Variants in RIMS2 observed in about 807,000 individuals in gnomAD.
RIMS2 encodes regulating synaptic membrane exocytosis protein 2.
Under a neutral mutation model 174.4 loss-of-function variants are expected in RIMS2, and 59 were observed. That is an observed-to-expected ratio of 0.34 (90% CI 0.27 to 0.42). The LOEUF is 0.42. RIMS2 is among the 10% of genes least tolerant of loss of function. The pLI, the probability that RIMS2 is intolerant of heterozygous loss-of-function variation, is 1.00. For missense variants in RIMS2, 1,620 were observed against 1,666.3 expected (o/e 0.97, Z 0.48); for synonymous variants, 606 against 572.5 (o/e 1.06, Z -0.84).
chr8:104,211,165 G>T (rs2099103604), intron 19 of RIMS2, among the ~76,000 whole-genome samples: 1 of 152,082 alleles, frequency 6.6e-6, no homozygotes, highest in African/African-American at 2.4e-5. Context: ...TAAAACAGAG[G>T]TTTTTTCTAA....
chr8:104,238,807 T>C (rs2099272455), intron 19 of RIMS2, among the ~76,000 whole-genome samples: 1 of 152,214 alleles, frequency 6.6e-6, no homozygotes. Flanking sequence ...ATGCTTTAAA[T>C]GTAACACAAA....
chr8:104,007,650 TA>T (rs754705516), intron 17 of RIMS2, among the ~76,000 whole-genome samples: 2 of 152,192 alleles, frequency 1.3e-5, no homozygotes, highest in Non-Finnish European at 2.9e-5. Context: ...TCAACATCTA[TA>T]CCATCTCTTA....
intron 1 of RIMS2, among the ~76,000 whole-genome samples, chr8:103,672,032 A>G (rs1027763038): frequency 1.3e-5 from 2 of 152,156 alleles, no homozygotes; most frequent in Non-Finnish European, 2.9e-5. Flanking sequence ...AAATATGTCA[A>G]AGGTTTAAAA....
At chr8:103,814,976 A>G (rs1216379343) in intron 3 of RIMS2, among the ~76,000 whole-genome samples, 1 of 152,220 alleles carries the variant, frequency 6.6e-6, no homozygotes, top group Non-Finnish European at 1.5e-5. Flanking sequence ...TCATGGGCCA[A>G]CATTATACTT....
At chr8:103,961,219 A>G in intron 15 of RIMS2, 86 bp downstream of exon 17, 1 of 755,940 alleles carries the variant, frequency 1.3e-6, no homozygotes, top group East Asian at 2.6e-5. Flanking sequence ...ATAAAAGAGA[A>G]AGATATAACT....
At chr8:103,708,486 T>C (rs973640990) in intron 2 of RIMS2, among the ~76,000 whole-genome samples, 3 of 152,208 alleles carry the variant, frequency 2.0e-5, no homozygotes, top group African/African-American at 7.2e-5. Flanking sequence ...TGATCTCTCA[T>C]GTGATGTTTT....
At position 103,936,877 on chromosome 8, in the gene RIMS2, C is replaced by T. The variant is rs530470262; in HGVS notation, c.2547+155C>T. Among the ~76,000 whole-genome samples, 32 of 152,114 alleles carry T rather than the reference C, an allele frequency of 2.1e-4. No homozygotes were observed. The Middle Eastern group carries it at 0.017, about 81-fold the overall frequency. On this transcript the variant is annotated intron_variant, in intron 13 of 23. Transcript: ENST00000504942. ...TTGGGAGGCCGAGGGGGGCGGATCA[C>T]GAGGTCAGAAGATTGAGACCATCCT...
intron 15 of RIMS2, among the ~76,000 whole-genome samples, chr8:103,963,297 A>G (rs764476031): frequency 6.6e-6 from 1 of 152,216 alleles, no homozygotes; most frequent in Non-Finnish European, 1.5e-5. Flanking sequence ...AACACATAGT[A>G]TGAGTCAACA....
At position 103,594,422 on chromosome 8, in the gene RIMS2, T is replaced by TCAAC. The variant is rs1415618239; in HGVS notation, c.176+93361_176+93364dup. Reference sequence around the variant, plus strand: ...TGGCTATGAGTTCCTTGTTAATCAATCAACAGTATGTATTAAATAAGGCAT... The same window carrying TCAAC: ...TGGCTATGAGTTCCTTGTTAATCAATCAACCAACAGTATGTATTAAATAAGGCAT... On this transcript the variant is annotated intron_variant, in intron 1 of 23. Coordinates refer to ENST00000504942, the Ensembl canonical transcript of RIMS2. Among the ~76,000 whole-genome samples the TCAAC allele has an allele frequency of 2.6e-5, 4 of 151,570 alleles. No homozygotes were observed. The South Asian group carries it at 8.3e-4, about 31-fold the overall frequency.
chr8:103,941,145 C>T (rs1351249983), intron 13 of RIMS2, among the ~76,000 whole-genome samples: 2 of 152,066 alleles, frequency 1.3e-5, no homozygotes, highest in Admixed American at 1.3e-4. Flanking sequence ...TCCTTTCGAA[C>T]ACAGTACCTA....
At chr8:103,552,946 A>G (rs1484527189) in intron 1 of RIMS2, among the ~76,000 whole-genome samples, 1 of 152,176 alleles carries the variant, frequency 6.6e-6, no homozygotes. Context: ...TCAGGAAACA[A>G]CAGGTGCTGG....
At chr8:103,716,781 A>G (rs1411041740) in intron 2 of RIMS2, among the ~76,000 whole-genome samples, 2 of 152,200 alleles carry the variant, frequency 1.3e-5, no homozygotes, top group Non-Finnish European at 2.9e-5. Context: ...GCAGTTGATT[A>G]TAAGTATTTC....
At chr8:103,721,580 A>G (rs1257401659) in intron 2 of RIMS2, among the ~76,000 whole-genome samples, 2 of 152,224 alleles carry the variant, frequency 1.3e-5, no homozygotes, top group African/African-American at 4.8e-5. Context: ...ATGACAAAGC[A>G]TATTTATAAT....
At chr8:104,101,970 C>T (rs1246044051) in intron 19 of RIMS2, among the ~76,000 whole-genome samples, 1 of 152,108 alleles carries the variant, frequency 6.6e-6, no homozygotes, top group Non-Finnish European at 1.5e-5. Context: ...TATATGTCCT[C>T]CATGTTGACA....
intron 1 of RIMS2, among the ~76,000 whole-genome samples, chr8:103,567,484 C>T (rs754901775): frequency 9.9e-5 from 15 of 152,092 alleles, no homozygotes; most frequent in South Asian, 2.1e-4. Context: ...TTATTCATGT[C>T]GTAACATGTA....
intron 1 of RIMS2, among the ~76,000 whole-genome samples, chr8:103,567,916 G>A (rs2132225931): frequency 6.6e-6 from 1 of 152,200 alleles, no homozygotes; most frequent in South Asian, 2.1e-4. Flanking sequence ...ACAGATGATG[G>A]TGAGCATCTT....
chr8:103,735,405 C>T (rs901824210), intron 2 of RIMS2, among the ~76,000 whole-genome samples: 1 of 151,814 alleles, frequency 6.6e-6, no homozygotes, highest in Non-Finnish European at 1.5e-5. Flanking sequence ...TATGTTTAAT[C>T]CTTTTTGGTG....
intron 19 of RIMS2, among the ~76,000 whole-genome samples, chr8:104,142,068 C>G (rs925741256): frequency 6.6e-6 from 1 of 151,790 alleles, no homozygotes; most frequent in Non-Finnish European, 1.5e-5. Flanking sequence ...TGCTACATAG[C>G]CTACTACTTT....
At chr8:104,124,601 G>C (rs945050879) in intron 19 of RIMS2, among the ~76,000 whole-genome samples, 20 of 152,148 alleles carry the variant, frequency 1.3e-4, no homozygotes, top group African/African-American at 4.8e-4. Context: ...CTGTATTCTT[G>C]AAAAGCTCTT....
Sources: allele counts gnomAD v4.1 joint callset (sites outside exome capture counted in the v4.1 genomes callset), GRCh38; gene constraint gnomAD v4.1.1; transcripts MANE v1.5; gene names NCBI Gene and HGNC (gene_info 2026-07-23, HGNC 2026-07-21).